Variants in E2F7 observed in about 807,000 individuals in gnomAD.
E2F7 encodes the protein transcription factor E2F7.
Under a neutral mutation model 81.1 loss-of-function variants are expected in E2F7, and 35 were observed. The observed-to-expected ratio is 0.43, with a 90% CI of 0.33 to 0.57. The LOEUF (loss-of-function observed/expected upper bound fraction) is 0.57. E2F7 is among the 20% of genes least tolerant of loss of function. The pLI, the probability that E2F7 is intolerant of heterozygous loss-of-function variation, is 0.04. For synonymous variants in E2F7, 416 were observed against 416.2 expected, an observed-to-expected ratio of 1.00 and a Z score of 0.01; for missense variants, 961 against 1,093.7, an observed-to-expected ratio of 0.88 and a Z score of 1.71.
rs773848072 is a variant in E2F7, at chr12:77,030,305, C to T, written c.1410G>A (p.Val470=). The T allele has an allele frequency of 6.4e-7, 1 of 1,561,824 alleles. No homozygotes were observed. Among genetic ancestry groups the T allele is most frequent in the South Asian group, 1.2e-5 (1 of 83,376 alleles). Residue 470 remains valine, a synonymous_variant, in exon 10 of 13, where the codon GTG becomes GTA. Coordinates refer to ENST00000322886, the MANE Select transcript of E2F7 (RefSeq NM_203394.3). ...GGTCCAAGCTGCTTGATGGAGGCAC[C>T]ACTCTCTTACTGGCAAAGGCTTTTC... is the stretch of plus-strand genomic sequence containing the variant. ...SQGKAFASKR[V]VPPSSSLDPV... is the part of the protein sequence containing the mutation.
chr12:77,032,282 A>G (rs750657), intron 9 of E2F7, among the ~76,000 whole-genome samples: 4,648 of 152,116 alleles, frequency 0.031, 96 homozygotes, highest in Non-Finnish European at 0.048. Context: ...AACTTGACCT[A>G]CTTGCCTCCA....
chr12:77,029,971 C>T lies in E2F7; in HGVS notation c.1744G>A (p.Ala582Thr), dbSNP rs1189902770. The change falls in exon 10 of 13, where the codon GCC becomes ACC. Residue 582 changes from alanine to threonine, a missense_variant. This residue lies in a region of E2F7 where 587 missense variants were observed against 620.3 expected (regional missense o/e 0.95). Coordinates refer to ENST00000322886, the MANE Select transcript of E2F7 (RefSeq NM_203394.3). ...ERDDRSSEAP[A>T]TVELSSAPSA... The stretch of plus-strand genomic sequence containing the variant: ...GGTGCAGATGACAGCTCTACTGTGG[C>T]TGGGGCTTCTGAGCTTCTGTCATCC... 8.7e-6 allele frequency: 14 copies of T among 1,614,086 alleles called. No homozygotes were observed. Among genetic ancestry groups the T allele is most frequent in the Non-Finnish European group, 1.2e-5 (14 of 1,180,040 alleles).
chr12:77,036,996 G>A (rs1003356646), intron 7 of E2F7, among the ~76,000 whole-genome samples: 5 of 151,970 alleles, frequency 3.3e-5, no homozygotes, highest in Non-Finnish European at 5.9e-5. Flanking sequence ...TGATCCACCC[G>A]CCTCGGCCTC....
At chr12:77,044,880 C>T in intron 5 of E2F7, 85 bp from the exon 6 acceptor site, 1 of 1,465,412 alleles carries the variant, frequency 6.8e-7, no homozygotes, top group South Asian at 1.4e-5. Context: ...AATGATCTAG[C>T]CCTATCAGCA....
In E2F7 at chr12:77,023,937, G is replaced by T; in HGVS notation, c.*78C>A. ...GAGAGGAAGGACCCGTGCTCAGGAC[G>T]GGATGGTTTGCATCCCGCCTCGGAC... On this transcript the variant is annotated 3_prime_UTR_variant, in exon 13 of 13. Transcript: ENST00000322886. 1 of 1,534,336 alleles carries T rather than the reference G, an allele frequency of 6.5e-7. No individual in the cohort carries two copies. The highest frequency in any genetic ancestry group is 8.8e-7 in the Non-Finnish European group (1 of 1,134,454).
intron 7 of E2F7, among the ~76,000 whole-genome samples, chr12:77,042,351 T>G (rs990570898): frequency 3.3e-5 from 5 of 152,222 alleles, no homozygotes; most frequent in Non-Finnish European, 5.9e-5. Context: ...ACGCCTGGGT[T>G]AAGTGGCTCA....
At chr12:77,057,752 T>C (rs1955044512) in intron 2 of E2F7, among the ~76,000 whole-genome samples, 1 of 152,228 alleles carries the variant, frequency 6.6e-6, no homozygotes, top group East Asian at 1.9e-4. Context: ...AAATTCAATA[T>C]GAGAATTCGA....
At chr12:77,026,101 A>C (rs1485618753) in intron 11 of E2F7, 119 bp from the exon 12 acceptor site, 2 of 1,227,178 alleles carry the variant, frequency 1.6e-6, no homozygotes, top group African/African-American at 3.1e-5. Flanking sequence ...GAATGATGAG[A>C]CCTTCCCCCA....
At position 77,032,989 on chromosome 12, in the gene E2F7, A is replaced by G. The variant is rs570602590; in HGVS notation, c.1382+61T>C. On this transcript the variant is annotated intron_variant, in intron 9 of 12. Coordinates refer to ENST00000322886, the MANE Select transcript of E2F7 (RefSeq NM_203394.3). ...CTTTTGATGGGTGGCACTGCAATTT[A>G]GTCAAAGTTAACACTAGGAGATAGA... 1.7e-5 allele frequency: 25 copies of G among 1,508,038 alleles called. No homozygotes were observed. In the Admixed American group the frequency reaches 4.2e-4, roughly 25 times the overall value. 93.4% of individuals were successfully genotyped at this position (1,508,038 alleles called of 1,614,324 possible).
rs763261065 is a variant in E2F7 at position 77,027,875 on chromosome 12, T to A, written c.2140+8A>T. The A allele has an allele frequency of 6.2e-7, 1 of 1,613,648 alleles. No homozygotes were observed. The highest frequency in any genetic ancestry group is 1.7e-5 in the Admixed American group (1 of 59,896). Reference sequence around the variant, plus strand: ...CAAGGGACTCTAAGACATGATGACATCCCTTACCTGCAGGAGACTGCACAC... The same window carrying A: ...CAAGGGACTCTAAGACATGATGACAACCCTTACCTGCAGGAGACTGCACAC... On this transcript the variant is annotated splice_region_variant and intron_variant, in intron 11 of 12. Coordinates refer to ENST00000322886, the MANE Select transcript of E2F7 (RefSeq NM_203394.3).
rs143071134 is a variant in E2F7, at chr12:77,024,156, G to A, written c.2595C>T (p.Ile865=). ...QSPVPVTPKS[I]QRTHRETFFK... The stretch of plus-strand genomic sequence containing the variant: ...AAAACGTCTCACGATGTGTGCGTTG[G>A]ATGCTCTTGGGGGTCACTGGAACTG... The change falls in exon 13 of 13, where the codon ATC becomes ATT. Residue 865 remains isoleucine (I), a synonymous_variant. Transcript: ENST00000322886. 4 of 1,613,994 alleles carry A rather than the reference G, an allele frequency of 2.5e-6. No homozygotes were observed. The African/African-American group carries it at 5.3e-5, about 22-fold the overall frequency.
In E2F7 at chr12:77,022,158, T is replaced by C. The variant is rs897279173; in HGVS notation, c.*1857A>G. 3.3e-5 allele frequency: 5 copies of C among 152,200 alleles called. No homozygotes were observed. The highest frequency in any genetic ancestry group is 7.4e-5 in the Non-Finnish European group (5 of 68,014). 9.4% of individuals were successfully genotyped at this position (152,200 alleles called of 1,614,324 possible). A position where few individuals can be genotyped will look rare whatever the true frequency, so the allele number is the denominator to read the frequency against. ...TCCATGAAATATTTTGTGGAAGTTC[T>C]TAAGCATGGTAGAATTAACATGCAT... On this transcript the variant is annotated 3_prime_UTR_variant, in exon 13 of 13. Coordinates refer to ENST00000322886, the MANE Select transcript of E2F7 (RefSeq NM_203394.3).
intron 7 of E2F7, among the ~76,000 whole-genome samples, chr12:77,042,368 C>T (rs310786): frequency 0.85 from 129,590 of 152,180 alleles, 55,524 homozygotes; most frequent in African/African-American, 0.9. Flanking sequence ...CTCACATTTA[C>T]ACCACTAACA....
chr12:77,064,561 A>T lies in E2F7; in HGVS notation c.75T>A (p.Asp25Glu). 1.9e-6 allele frequency: 3 copies of T among 1,614,122 alleles called. No homozygotes were observed. Among genetic ancestry groups the T allele is most frequent in the Non-Finnish European group, 2.5e-6 (3 of 1,179,996 alleles). ...TGCTTACCTTTTGTGCATTTTCCCC[A>T]TCTTCAACTGCAAAATCTAGTCTGG... ...RQPRLDFAVE[D>E]GENAQKENIF... The change falls in exon 2 of 13, where the codon GAT becomes GAA. Residue 25 changes from aspartate to glutamate, a missense_variant. By Grantham distance (45) the Asp-to-Glu change is conservative. Transcript: ENST00000322886.
At chr12:77,044,253 C>A in intron 6 of E2F7, 1 of 457,834 alleles carries the variant, frequency 2.2e-6, no homozygotes, top group Non-Finnish European at 4.4e-6. Context: ...TACCTGTAGA[C>A]AATTTTCATC....
In E2F7 at chr12:77,044,801, C is replaced by T. The variant is rs755085921; in HGVS notation, c.830-6G>A. On this transcript the variant is annotated splice_region_variant and splice_polypyrimidine_tract_variant and intron_variant, in intron 5 of 12. Transcript: ENST00000322886. ...TTTTCTACTGTTTGCAGATGCTACA[C>T]AAGGAATGAAACAAAAGCATCAAAG... The T allele has an allele frequency of 3.1e-6, 5 of 1,612,302 alleles. 1 individual carries two copies. In the South Asian group the frequency reaches 5.5e-5, roughly 18 times the overall value.
In E2F7 at chr12:77,023,908, AAGAG is replaced by A; in HGVS notation, c.*103_*106del. On this transcript the variant is annotated 3_prime_UTR_variant, in exon 13 of 13. Coordinates refer to ENST00000322886, the MANE Select transcript of E2F7 (RefSeq NM_203394.3). Reference sequence around the variant, plus strand: ...GGGAAGTTAACAGAAGTGTGGATGAAAGAGAGAGGAAGGACCCGTGCTCAGGACG... The same window carrying A: ...GGGAAGTTAACAGAAGTGTGGATGAAAGAGGAAGGACCCGTGCTCAGGACG... The A allele has an allele frequency of 1.1e-5, 14 of 1,332,388 alleles. No homozygotes were observed. Among genetic ancestry groups the A allele is most frequent in the Non-Finnish European group, 1.4e-5 (14 of 972,494 alleles). The allele number at this position is 1,332,388 out of a possible 1,614,324, so 82.5% of individuals were successfully genotyped here.
At chr12:77,024,284 AG>A (rs2120603620) in intron 12 of E2F7, 99 bp from the exon 13 acceptor site, 1 of 1,315,190 alleles carries the variant, frequency 7.6e-7, no homozygotes, top group Admixed American at 2.7e-5. Context: ...TAGGATCCCA[AG>A]GCAGGCGTTC....
chr12:77,057,955 C>T (rs530678070), intron 2 of E2F7, among the ~76,000 whole-genome samples: 3 of 152,162 alleles, frequency 2.0e-5, no homozygotes, highest in Non-Finnish European at 2.9e-5. Flanking sequence ...AAATGAGCAA[C>T]GTGTGAAGAG....
Sources: gnomAD v4.1 joint callset for allele counts (sites outside exome capture counted in the v4.1 genomes callset) on GRCh38, gnomAD v4.1.1 for gene constraint, gnomAD v4.1.1 regional missense constraint, MANE v1.5 for transcripts, NCBI Gene and HGNC (gene_info 2026-07-23, HGNC 2026-07-21) for gene names.